Variants in RABGEF1 observed in about 807,000 individuals in gnomAD.
The protein encoded by RABGEF1 is RAB guanine nucleotide exchange factor 1, also known as rab5 GDP/GTP exchange factor.
A neutral mutation model predicts 57.3 loss-of-function variants in RABGEF1; 26 were observed. The ratio of observed to expected loss-of-function variants is 0.45; its 90% CI spans 0.33 to 0.63. RABGEF1 has a LOEUF of 0.63. Ranked by LOEUF, RABGEF1 falls within the 20% of genes least tolerant of loss-of-function variation. The pLI, the probability that RABGEF1 is intolerant of heterozygous loss-of-function variation, is 0.02. For missense variants in RABGEF1, 464 were observed against 607.6 expected (o/e 0.76, Z 2.48); for synonymous variants, 185 against 210.7 (o/e 0.88, Z 1.06).
At chr7:66,654,797 G>A in the RABGEF1 span, among the ~76,000 whole-genome samples, 1 of 152,192 alleles carries the variant, frequency 6.6e-6, no homozygotes, top group Non-Finnish European at 1.5e-5. Context: ...TTCCAGCCCC[G>A]TCAGCTCCGC....
At chr7:66,785,890 A>T (rs1461557688) in intron 4 of RABGEF1, among the ~76,000 whole-genome samples, 41 of 151,672 alleles carry the variant, frequency 2.7e-4, no homozygotes, top group Non-Finnish European at 4.4e-5. Context: ...AAAAAAAAAA[A>T]GTCTTTGTAC....
At chr7:66,657,652 C>T in the RABGEF1 span, among the ~76,000 whole-genome samples, 13 of 152,224 alleles carry the variant, frequency 8.5e-5, no homozygotes, top group Middle Eastern at 3.4e-3. Context: ...AAAAGCCCAT[C>T]GCTACTAAAA....
intron 1 of RABGEF1, among the ~76,000 whole-genome samples, chr7:66,754,747 C>G (rs1562791128): frequency 6.6e-6 from 1 of 152,202 alleles, no homozygotes; most frequent in Non-Finnish European, 1.5e-5. Context: ...CATTTCACGT[C>G]TAGGCATTGC....
intron 1 of RABGEF1, among the ~76,000 whole-genome samples, chr7:66,693,526 C>T (rs1046125466): frequency 7.2e-5 from 11 of 152,112 alleles, no homozygotes; most frequent in African/African-American, 2.7e-4. Context: ...ACTACTCCTC[C>T]TCCCCTCCCT....
At chr7:66,696,047 C>G (rs1021324950) in intron 1 of RABGEF1, among the ~76,000 whole-genome samples, 5 of 151,228 alleles carry the variant, frequency 3.3e-5, no homozygotes, top group African/African-American at 9.7e-5. Context: ...GGACGTGGGC[C>G]TTACAAGGGA....
chr7:66,704,029 A>G (rs982555007), intron 1 of RABGEF1, among the ~76,000 whole-genome samples: 1 of 152,144 alleles, frequency 6.6e-6, no homozygotes, highest in Admixed American at 6.5e-5. Flanking sequence ...TTTATTCCTA[A>G]GTGTTTTATT....
chr7:66,668,222 C>T, the RABGEF1 span, among the ~76,000 whole-genome samples: 1 of 152,158 alleles, frequency 6.6e-6, no homozygotes, highest in African/African-American at 2.4e-5. Flanking sequence ...CTCAGCCTAC[C>T]GAGTAGCTGG....
chr7:66,689,361 A>C (rs898636276), intron 1 of RABGEF1, among the ~76,000 whole-genome samples: 1 of 152,180 alleles, frequency 6.6e-6, no homozygotes, highest in African/African-American at 2.4e-5. Flanking sequence ...AATGAAAATG[A>C]GGACATTACT....
intron 1 of RABGEF1, among the ~76,000 whole-genome samples, chr7:66,701,548 G>A (rs913742214): frequency 7.2e-6 from 1 of 138,196 alleles, no homozygotes; most frequent in Admixed American, 7.6e-5. Context: ...CGCCCTTCTT[G>A]CCCAGGCTGG....
At chr7:66,746,289 A>AT (rs544797588) in intron 1 of RABGEF1, among the ~76,000 whole-genome samples, 6,448 of 146,618 alleles carry the variant, frequency 0.044, 414 homozygotes, top group African/African-American at 0.14. Flanking sequence ...AGGAAGTGTG[A>AT]TTTTTTTTTT....
rs1177698341 is a variant in RABGEF1 at position 66,809,323 on chromosome 7, GT to G, written c.*40del. On this transcript the variant is annotated 3_prime_UTR_variant, in exon 9 of 9. Transcript: ENST00000284957. ...GAGAGTATTTATTTGAGCCTAAATT[GT>G]AGGTAGCCCTTACTACACTCAACTG... 1 of 1,560,840 alleles carries G rather than the reference GT, an allele frequency of 6.4e-7. No individual in the cohort carries two copies. Among genetic ancestry groups the G allele is most frequent in the East Asian group, 2.3e-5 (1 of 44,376 alleles).
At chr7:66,662,053 C>T in the RABGEF1 span, among the ~76,000 whole-genome samples, 77 of 152,048 alleles carry the variant, frequency 5.1e-4, no homozygotes, top group African/African-American at 1.7e-3. Flanking sequence ...ATTGAGACCA[C>T]GGTGAAACCC....
chr7:66,739,321 C>G (rs1798447753), upstream of RABGEF1, among the ~76,000 whole-genome samples: 1 of 151,692 alleles, frequency 6.6e-6, no homozygotes, highest in African/African-American at 2.4e-5. Context: ...ATCTGAGAAA[C>G]GAATCAGTTA....
Position 66,759,091 on chromosome 7 carries a change from T to TA in RABGEF1, c.-17-12791dup, listed in dbSNP as rs145597413. On this transcript the variant is annotated intron_variant, in intron 1 of 8. Transcript: ENST00000284957. ...ATTTCATCTCATACGTAGATTCCTG[T>TA]AGCCACCACCATAGTCAAGATACAG... Among the ~76,000 whole-genome samples, 1,153 of 152,314 alleles carry TA rather than the reference T, an allele frequency of 7.6e-3. 18 individuals are homozygous for TA. The highest frequency in any genetic ancestry group is 0.026 in the African/African-American group (1,085 of 41,568).
intron 2 of RABGEF1, among the ~76,000 whole-genome samples, chr7:66,729,594 C>T (rs1435386558): frequency 6.6e-6 from 1 of 152,050 alleles, no homozygotes; most frequent in Non-Finnish European, 1.5e-5. Context: ...TTACTTCCAC[C>T]TTTACCTTCA....
upstream of RABGEF1, among the ~76,000 whole-genome samples, chr7:66,681,866 G>T (rs1006193665): frequency 6.6e-6 from 1 of 152,140 alleles, no homozygotes; most frequent in Non-Finnish European, 1.5e-5. Flanking sequence ...CCCTCCCGCT[G>T]CTGCGCATCG....
At chr7:66,783,096 T>C (rs577861441) in intron 3 of RABGEF1, among the ~76,000 whole-genome samples, 1 of 152,352 alleles carries the variant, frequency 6.6e-6, no homozygotes, top group South Asian at 2.1e-4. Context: ...CATTGTATGC[T>C]TTGTTGTGTT....
At chr7:66,684,003 A>T (rs1790198113) in intron 1 of RABGEF1, among the ~76,000 whole-genome samples, 1 of 152,142 alleles carries the variant, frequency 6.6e-6, no homozygotes, top group African/African-American at 2.4e-5. Context: ...AAGTGTCCCA[A>T]TGTGCTGAAA....
At chr7:66,697,046 G>A (rs955414088) in intron 1 of RABGEF1, among the ~76,000 whole-genome samples, 1 of 152,180 alleles carries the variant, frequency 6.6e-6, no homozygotes, top group Non-Finnish European at 1.5e-5. Flanking sequence ...CCATGCCCCA[G>A]GGGACCCTAC....
Sources: allele counts gnomAD v4.1 joint callset (sites outside exome capture counted in the v4.1 genomes callset), GRCh38; gene constraint gnomAD v4.1.1; transcripts MANE v1.5; gene names NCBI Gene and HGNC (gene_info 2026-07-23, HGNC 2026-07-21).